Variants in CTNND1 observed in about 807,000 individuals in gnomAD.
CTNND1 encodes catenin delta-1.
Under a neutral mutation model 112.1 loss-of-function variants are expected in CTNND1, and 16 were observed. The ratio of observed to expected loss-of-function variants is 0.14; its 90% CI spans 0.10 to 0.22. CTNND1 has a LOEUF of 0.22. CTNND1 is among the 10% of genes least tolerant of loss of function. The pLI, the probability that CTNND1 is intolerant of heterozygous loss-of-function variation, is 1.00. For synonymous variants in CTNND1, 420 were observed against 446.5 expected, an observed-to-expected ratio of 0.94 and a Z score of 0.75; for missense variants, 1,008 against 1,257.0, an observed-to-expected ratio of 0.80 and a Z score of 3.00.
rs369099380 is a variant in CTNND1 at position 57,815,926 on chromosome 11, G to T, written c.2820G>T (p.Gly940=). The change falls in exon 20 of 21, where the codon GGG becomes GGT. Residue 940 remains glycine, a synonymous_variant. Transcript: ENST00000399050. The stretch of plus-strand genomic sequence containing the variant: ...GCATGTGTTCACAGCAGGACGAGGG[G>T]CAGGAATCTCTGGAGGAAGAGTTGG... ...KGTTPLMQDE[G]QESLEEELDV... 6.2e-6 allele frequency: 10 copies of T among 1,608,128 alleles called. No individual in the cohort carries two copies. In the African/African-American group the frequency reaches 1.2e-4, roughly 19 times the overall value.
At chr11:57,771,385 G>A (rs879129332) in intron 1 of CTNND1, among the ~76,000 whole-genome samples, 6 of 152,050 alleles carry the variant, frequency 3.9e-5, no homozygotes, top group Non-Finnish European at 7.4e-5. Flanking sequence ...TGAGTAGTAT[G>A]GAGGAAAGAA....
chr11:57,790,437 G>T (rs2060581164), intron 2 of CTNND1, among the ~76,000 whole-genome samples: 1 of 146,382 alleles, frequency 6.8e-6, no homozygotes, highest in African/African-American at 2.5e-5. Context: ...CAGCTGGAGT[G>T]CAATGGCGCG....
intron 17 of CTNND1, among the ~76,000 whole-genome samples, 157 bp downstream of exon 17, chr11:57,811,643 G>A (rs2063368081): frequency 6.6e-6 from 1 of 152,182 alleles, no homozygotes; most frequent in African/African-American, 2.4e-5. Flanking sequence ...AAATGGGTAG[G>A]TCTTAAGCAT....
intron 7 of CTNND1, 41 bp from the exon 8 acceptor site, chr11:57,803,580 C>A (rs1161863193): frequency 4.0e-6 from 6 of 1,514,686 alleles, no homozygotes; most frequent in Non-Finnish European, 4.5e-6. Context: ...GACATATTGT[C>A]TTGAATGCTC....
intron 11 of CTNND1, 21 bp downstream of exon 11, chr11:57,806,499 T>G (rs769313613): frequency 1.4e-5 from 22 of 1,590,690 alleles, no homozygotes; most frequent in Non-Finnish European, 1.8e-5. Flanking sequence ...TCTTTTAAGG[T>G]GCTTATCTAC....
In CTNND1 at chr11:57,801,971, A is replaced by C. The variant is rs1419858664; in HGVS notation, c.1195A>C (p.Lys399Gln). ...GCAACACTTATGCTACCGCAATGAC[A>C]AGGTGAAGACTGACGTGCGGAAGCT... The part of the protein sequence containing the change: ...YLQHLCYRND[K>Q]VKTDVRKLKG... The change falls in exon 7 of 21, where the codon AAG becomes CAG. Residue 399 changes from lysine to glutamine, a missense_variant. This residue lies in a region of CTNND1 where 216 missense variants were observed against 342.8 expected (regional missense o/e 0.63). Coordinates refer to ENST00000399050, the MANE Select transcript of CTNND1 (RefSeq NM_001085458.2). The C allele has an allele frequency of 1.1e-5, 18 of 1,613,934 alleles. No individual in the cohort carries two copies. The highest frequency in any genetic ancestry group is 1.4e-5 in the Non-Finnish European group (17 of 1,179,910).
chr11:57,798,445 ACTTT>A (rs2061619063), intron 6 of CTNND1, among the ~76,000 whole-genome samples: 2 of 152,104 alleles, frequency 1.3e-5, no homozygotes, highest in Admixed American at 1.3e-4. Context: ...GTGTATAAGA[ACTTT>A]CTTGTGTTTT....
rs184324684 is a variant in CTNND1 at position 57,791,434 on chromosome 11, C to T, written c.-45C>T. The T allele has an allele frequency of 5.0e-6, 7 of 1,394,812 alleles. No homozygotes were observed. In the South Asian group the frequency reaches 1.1e-4, roughly 22 times the overall value. 86.4% of individuals were successfully genotyped at this position (1,394,812 alleles called of 1,614,324 possible). A position where few individuals can be genotyped will look rare whatever the true frequency, so the allele number is the denominator to read the frequency against. The stretch of plus-strand genomic sequence containing the variant: ...CTCCTTCTCCTTCCTCTGTGATTCA[C>T]CTTCCTTTTTACCCTGCCCTGCGGC... On this transcript the variant is annotated 5_prime_UTR_variant, in exon 3 of 21. Transcript: ENST00000399050.
chr11:57,782,001 C>T (rs1307901782), intron 1 of CTNND1, among the ~76,000 whole-genome samples: 1 of 150,572 alleles, frequency 6.6e-6, no homozygotes, highest in African/African-American at 2.4e-5. Flanking sequence ...TTTATTTGGT[C>T]TCAGAATTTA....
Position 57,813,689 on chromosome 11 carries a change from CTG to C in CTNND1, c.2639-617_2639-616del, listed in dbSNP as rs560293275. On this transcript the variant is annotated intron_variant, in intron 17 of 20. Transcript: ENST00000399050. ...ATCATCCTCTTTTCCAACTTTTTAT[CTG>C]TGTGAGGCTGGATTTTCTTGATATA... is the stretch of plus-strand genomic sequence containing the variant. 2.6e-4 allele frequency among the ~76,000 whole-genome samples: 39 copies of C among 152,294 alleles called. 1 individual carries two copies. The South Asian group carries it at 7.9e-3, about 31-fold the overall frequency.
At chr11:57,786,243 G>A (rs1400440084) in intron 1 of CTNND1, among the ~76,000 whole-genome samples, 1 of 144,360 alleles carries the variant, frequency 6.9e-6, no homozygotes. Flanking sequence ...AAAAATCTAA[G>A]TAAGTGGAGG....
intron 1 of CTNND1, among the ~76,000 whole-genome samples, chr11:57,784,151 G>A (rs2059896767): frequency 6.6e-6 from 1 of 151,598 alleles, no homozygotes; most frequent in South Asian, 2.1e-4. Context: ...TAAACTCCTG[G>A]GCTCAAGTGA....
intron 1 of CTNND1, among the ~76,000 whole-genome samples, chr11:57,769,776 C>T (rs1952101132): frequency 6.6e-6 from 1 of 152,172 alleles, no homozygotes; most frequent in Non-Finnish European, 1.5e-5. Context: ...GATACCACTT[C>T]ATTTCAGTTA....
At chr11:57,784,590 G>T (rs996659928) in intron 1 of CTNND1, among the ~76,000 whole-genome samples, 1 of 151,946 alleles carries the variant, frequency 6.6e-6, no homozygotes, top group South Asian at 2.1e-4. Context: ...TGAAACTTTT[G>T]TCTCTTGAGT....
intron 11 of CTNND1, 62 bp downstream of exon 11, chr11:57,806,540 C>A: frequency 7.0e-7 from 1 of 1,424,626 alleles, no homozygotes; most frequent in South Asian, 1.2e-5. Context: ...TTTTAGCTTC[C>A]CTAGTATGTC....
At chr11:57,794,155 G>T (rs781653980) in intron 4 of CTNND1, 74 bp downstream of exon 4, 2 of 1,379,168 alleles carry the variant, frequency 1.5e-6, no homozygotes, top group Non-Finnish European at 2.1e-6. Context: ...GAGCATATTT[G>T]TGTCTTGTAA....
intron 20 of CTNND1, 76 bp downstream of exon 20, chr11:57,816,077 T>C (rs1313494856): frequency 4.6e-6 from 6 of 1,314,482 alleles, no homozygotes; most frequent in Admixed American, 2.6e-5. Context: ...TCAATCACGC[T>C]AATCTGATCA....
At chr11:57,807,788 T>C (rs1321856134) in intron 12 of CTNND1, among the ~76,000 whole-genome samples, 4 of 152,030 alleles carry the variant, frequency 2.6e-5, no homozygotes, top group Non-Finnish European at 4.4e-5. Context: ...GAAGAATGAC[T>C]GGGTTAAGTT....
rs2060375489 is a variant in CTNND1 at position 57,788,630 on chromosome 11, T to TGTGG, written c.-213-405_-213-402dup. Among the ~76,000 whole-genome samples the TGTGG allele has an allele frequency of 6.6e-6, 1 of 151,446 alleles. No individual in the cohort carries two copies. Among genetic ancestry groups the TGTGG allele is most frequent in the African/African-American group, 2.4e-5 (1 of 41,318 alleles). Reference sequence around the variant, plus strand: ...TTTTGCATTGGTTTCTCAATGTCTTTGTGGGCATGCTGGGACTGGGCTTTG... The same window carrying TGTGG: ...TTTTGCATTGGTTTCTCAATGTCTTTGTGGGTGGGCATGCTGGGACTGGGCTTTG... On this transcript the variant is annotated intron_variant, in intron 1 of 20. Coordinates refer to ENST00000399050, the MANE Select transcript of CTNND1 (RefSeq NM_001085458.2). The surrounding 1 kb of genome is among the most constrained non-coding windows in gnomAD (Gnocchi z 4.1).
Sources: gnomAD v4.1 joint callset for allele counts (sites outside exome capture counted in the v4.1 genomes callset) on GRCh38, gnomAD v4.1.1 for gene constraint, gnomAD v4.1.1 regional missense constraint, Gnocchi (gnomAD v3.1) non-coding constraint, MANE v1.5 for transcripts, NCBI Gene and HGNC (gene_info 2026-07-23, HGNC 2026-07-21) for gene names.